Variants in TMEM151A observed in about 807,000 individuals in gnomAD.
TMEM151A encodes transmembrane protein 151A.
Under a neutral mutation model 33.7 loss-of-function variants are expected in TMEM151A, and 21 were observed. The ratio of observed to expected loss-of-function variants is 0.62; its 90% CI spans 0.44 to 0.90. The LOEUF (loss-of-function observed/expected upper bound fraction) is 0.90. Ranked by LOEUF, TMEM151A falls within the 40% of genes least tolerant of loss-of-function variation. The pLI, the probability that TMEM151A is intolerant of heterozygous loss-of-function variation, is 0.00. For synonymous variants in TMEM151A, 374 were observed against 330.3 expected (o/e 1.13, Z -1.43); for missense variants, 704 against 697.7 (o/e 1.01, Z -0.10).
In TMEM151A at chr11:66,294,673, C is replaced by G. The variant is rs1439413020; in HGVS notation, c.427C>G (p.Gln143Glu). ...HTVLALIRRL[Q>E]QAPPCVWWKA... ...GGTGCTGGCGCTGATCCGCCGGCTG[C>G]AGCAGGCGCCGCCGTGCGTCTGGTG... Residue 143 changes from glutamine (Q) to glutamate (E), a missense_variant, in exon 2 of 2, where the codon CAG becomes GAG. By Grantham distance (29) the Gln-to-Glu change is conservative. Around this residue, in one of 3 missense-constraint regions of TMEM151A, gnomAD observed 301 missense variants for 323.4 expected, o/e 0.93. Transcript: ENST00000327259. 1.9e-6 allele frequency: 3 copies of G among 1,596,910 alleles called. No individual in the cohort carries two copies. In the African/African-American group the frequency reaches 4.0e-5, roughly 21 times the overall value.
intron 1 of TMEM151A, 37 bp from the exon 2 acceptor site, chr11:66,294,285 A>G: frequency 1.9e-6 from 3 of 1,595,882 alleles, no homozygotes; most frequent in Non-Finnish European, 2.5e-6. Flanking sequence ...TGATGGCCCC[A>G]CCTGACACAG....
Position 66,294,967 on chromosome 11 carries a change from C to G in TMEM151A, c.721C>G (p.Arg241Gly), listed in dbSNP as rs1348581072. 1 of 1,573,170 alleles carries G rather than the reference C, an allele frequency of 6.4e-7. No homozygotes were observed. Among genetic ancestry groups the G allele is most frequent in the Admixed American group, 1.8e-5 (1 of 55,674 alleles). The change falls in exon 2 of 2, where the codon CGC becomes GGC. Residue 241 changes from arginine to glycine, a missense_variant. Arg to Gly is a moderately radical substitution (Grantham distance 125). Transcript: ENST00000327259. ...AEASYLTQRARFFSANEGLDD... is the reference protein window; with the variant it reads ...AEASYLTQRAGFFSANEGLDD... ...GGCCTCGTACCTCACGCAGCGGGCG[C>G]GCTTCTTCAGCGCCAACGAGGGCCT...
Position 66,295,002 on chromosome 11 carries a change from T to C in TMEM151A, c.756T>C (p.Tyr252=), listed in dbSNP as rs752670837. The change falls in exon 2 of 2, where the codon TAT becomes TAC. Residue 252 remains tyrosine (Y), a synonymous_variant. Coordinates refer to ENST00000327259, the MANE Select transcript of TMEM151A (RefSeq NM_153266.4). The part of the protein sequence containing the change: ...FFSANEGLDD[Y]LEAREGMHLK... ...GCGCCAACGAGGGCCTGGACGACTA[T>C]CTGGAGGCGCGCGAGGGCATGCACC... The C allele has an allele frequency of 1.9e-6, 3 of 1,593,430 alleles. No individual in the cohort carries two copies. The Admixed American group carries it at 5.1e-5, about 27-fold the overall frequency.
At position 66,292,019 on chromosome 11, in the gene TMEM151A, C is replaced by G; in HGVS notation, c.6C>G (p.Pro2=). 1 of 1,503,680 alleles carries G rather than the reference C, an allele frequency of 6.7e-7. No individual in the cohort carries two copies. The highest frequency in any genetic ancestry group is 8.8e-7 in the Non-Finnish European group (1 of 1,132,910). The allele number at this position is 1,503,680 out of a possible 1,614,324, so 93.1% of individuals were successfully genotyped here. A position where few individuals can be genotyped will look rare whatever the true frequency, so the allele number is the denominator to read the frequency against. ...GCCCAAGCAGCCAGGACACCATGCC[C>G]GAGGACGGCGCTGGCGACGGCGGGG... The part of the protein sequence containing the change: M[P]EDGAGDGGEV... The change falls in exon 1 of 2, where the codon CCC becomes CCG. Residue 2 remains proline, a synonymous_variant. Transcript: ENST00000327259. This position sits in a 1 kb window ranked among gnomAD's most constrained non-coding sequence, Gnocchi z 4.7.
Position 66,295,776 on chromosome 11 carries a change from AGGGTGG to A in TMEM151A, c.*134_*139del, listed in dbSNP as rs1380244047. The stretch of plus-strand genomic sequence containing the variant: ...CAGCCACACACAAGGGGCAGGGGTG[AGGGTGG>A]GGGTGGGGGTCCTTAAACAGACTAA... On this transcript the variant is annotated 3_prime_UTR_variant, in exon 2 of 2. Transcript: ENST00000327259. 1.1e-5 allele frequency: 6 copies of A among 527,058 alleles called. No individual in the cohort carries two copies. In the East Asian group the frequency reaches 3.5e-4, roughly 31 times the overall value. The allele number at this position is 527,058 out of a possible 1,614,324, so 32.6% of individuals were successfully genotyped here.
Position 66,295,136 on chromosome 11 carries a change from C to A in TMEM151A, c.890C>A (p.Ser297Ter). ...VFWLVSAATLSWPLRVVAAYG... is the reference protein window; with the variant it reads ...VFWLVSAATL ...TGGCTCGTGTCGGCGGCCACGCTGTCGTGGCCCCTGCGCGTCGTGGCCGCC... is the reference window on the plus strand; with the variant it reads ...TGGCTCGTGTCGGCGGCCACGCTGTAGTGGCCCCTGCGCGTCGTGGCCGCC... The change falls in exon 2 of 2, where the codon TCG becomes TAG. Residue 297 changes from serine (S) to a stop codon, truncating the protein, a stop_gained. Coordinates refer to ENST00000327259, the MANE Select transcript of TMEM151A (RefSeq NM_153266.4). LOFTEE classifies it high-confidence loss of function. 6.3e-7 allele frequency: 1 copy of A among 1,583,898 alleles called. No individual in the cohort carries two copies. The highest frequency in any genetic ancestry group is 1.1e-5 in the South Asian group (1 of 89,386).
At chr11:66,293,594 A>T (rs1230905237) in intron 1 of TMEM151A, among the ~76,000 whole-genome samples, 1 of 151,928 alleles carries the variant, frequency 6.6e-6, no homozygotes, top group Non-Finnish European at 1.5e-5. Flanking sequence ...CCCGTTCTTG[A>T]GGCTCCCTCT....
At position 66,292,595 on chromosome 11, in the gene TMEM151A, G is replaced by A. The variant is rs1001360571; in HGVS notation, c.75+507G>A. 1.3e-5 allele frequency among the ~76,000 whole-genome samples: 2 copies of A among 152,206 alleles called. No individual in the cohort carries two copies. The highest frequency in any genetic ancestry group is 6.5e-5 in the Admixed American group (1 of 15,286). Reference sequence around the variant, plus strand: ...CATTCTGCTGGCTGGGACCCCCGACGGCCCCTCCTCAGCCCTAGCCAGGAA... The same window carrying A: ...CATTCTGCTGGCTGGGACCCCCGACAGCCCCTCCTCAGCCCTAGCCAGGAA... On this transcript the variant is annotated intron_variant, in intron 1 of 1. Transcript: ENST00000327259. This position sits in a 1 kb window ranked among gnomAD's most constrained non-coding sequence, Gnocchi z 4.7.
At position 66,292,105 on chromosome 11, in the gene TMEM151A, G is replaced by A. The variant is rs763666894; in HGVS notation, c.75+17G>A. ...CGGGAAGAGGTACCGGCGCTGGGGG[G>A]GCCGGAGCCGGGCCTGGGGCGGCGT... On this transcript the variant is annotated intron_variant, in intron 1 of 1. Coordinates refer to ENST00000327259, the MANE Select transcript of TMEM151A (RefSeq NM_153266.4). The surrounding 1 kb of genome is among the most constrained non-coding windows in gnomAD (Gnocchi z 4.7). 7.0e-7 allele frequency: 1 copy of A among 1,432,276 alleles called. No individual in the cohort carries two copies. Among genetic ancestry groups the A allele is most frequent in the Non-Finnish European group, 9.1e-7 (1 of 1,102,372 alleles). 88.7% of individuals were successfully genotyped at this position (1,432,276 alleles called of 1,614,324 possible).
chr11:66,294,925 G>C lies in TMEM151A; in HGVS notation c.679G>C (p.Gly227Arg), dbSNP rs780842555. The C allele has an allele frequency of 7.8e-6, 12 of 1,542,402 alleles. No individual in the cohort carries two copies. Among genetic ancestry groups the C allele is most frequent in the Admixed American group, 3.9e-5 (2 of 51,302 alleles). ...RLRFTKCFSF[G>R]SAEAEASYLT... ...GCGCTTCACCAAGTGCTTCAGCTTC[G>C]GCAGCGCGGAGGCCGAGGCCTCGTA... Residue 227 changes from glycine to arginine, a missense_variant, in exon 2 of 2, where the codon GGC becomes CGC. Coordinates refer to ENST00000327259, the MANE Select transcript of TMEM151A (RefSeq NM_153266.4).
rs935593727 is a variant in TMEM151A at position 66,293,012 on chromosome 11, GTGTGTGTGTGTA to G, written c.75+934_75+945del. Among the ~76,000 whole-genome samples the G allele has an allele frequency of 4.3e-3, 585 of 137,052 alleles. 4 individuals carry two copies. The highest frequency in any genetic ancestry group is 0.014 in the African/African-American group (560 of 40,280). The allele number at this position is 137,052 out of a possible 152,430, so 89.9% of individuals were successfully genotyped here. A position where few individuals can be genotyped will look rare whatever the true frequency, so the allele number is the denominator to read the frequency against. On this transcript the variant is annotated intron_variant, in intron 1 of 1. Transcript: ENST00000327259. ...TGGTGGATGGGTATGTGGTGTGTGC[GTGTGTGTGTGTA>G]TGTGTGTGTACCATGCTACGGTTCT...
At position 66,292,211 on chromosome 11, in the gene TMEM151A, T is replaced by G; in HGVS notation, c.75+123T>G. 1 of 858,602 alleles carries G rather than the reference T, an allele frequency of 1.2e-6. No homozygotes were observed. The highest frequency in any genetic ancestry group is 3.4e-5 in the East Asian group (1 of 29,262). The allele number at this position is 858,602 out of a possible 1,614,324, so 53.2% of individuals were successfully genotyped here. The stretch of plus-strand genomic sequence containing the variant: ...AGAGCCCCTACGGCCAATGACGTCA[T>G]TGGGGTCACCTGCGCCCTGCCAAGG... On this transcript the variant is annotated intron_variant, in intron 1 of 1. Coordinates refer to ENST00000327259, the MANE Select transcript of TMEM151A (RefSeq NM_153266.4). This position sits in a 1 kb window ranked among gnomAD's most constrained non-coding sequence, Gnocchi z 4.7.
chr11:66,294,568 C>G lies in TMEM151A; in HGVS notation c.322C>G (p.Leu108Val). Residue 108 changes from leucine (L) to valine (V), a missense_variant, in exon 2 of 2, where the codon CTC becomes GTC. This residue lies in a region of TMEM151A where 301 missense variants were observed against 323.4 expected (regional missense o/e 0.93). Coordinates refer to ENST00000327259, the MANE Select transcript of TMEM151A (RefSeq NM_153266.4). Reference sequence around the variant, plus strand: ...GTACATCCCGCTGGCCTTCGTCTCCCTCCTCTACCTCCTCTACCTGGCTGA... The same window carrying G: ...GTACATCCCGCTGGCCTTCGTCTCCGTCCTCTACCTCCTCTACCTGGCTGA... ...YLYIPLAFVSLLYLLYLAECW... is the reference protein window; with the variant it reads ...YLYIPLAFVSVLYLLYLAECW... The G allele has an allele frequency of 6.2e-7, 1 of 1,612,834 alleles. No homozygotes were observed. Among genetic ancestry groups the G allele is most frequent in the Non-Finnish European group, 8.5e-7 (1 of 1,179,376 alleles).
Position 66,295,099 on chromosome 11 carries a change from G to A in TMEM151A, c.853G>A (p.Ala285Thr), listed in dbSNP as rs1857501094. Reference protein sequence around the residue: ...DPRSPPWYARAWVFWLVSAAT... With the variant: ...DPRSPPWYARTWVFWLVSAAT... ...CCGCAGCCCGCCCTGGTACGCGCGC[G>A]CCTGGGTCTTCTGGCTCGTGTCGGC... The change falls in exon 2 of 2, where the codon GCC (alanine) becomes ACC (threonine). Residue 285 changes from alanine (A) to threonine (T), a missense_variant. By Grantham distance (58) the Ala-to-Thr change is moderately conservative. Around this residue, in one of 3 missense-constraint regions of TMEM151A, gnomAD observed 398 missense variants for 356.0 expected, o/e 1.12. Coordinates refer to ENST00000327259, the MANE Select transcript of TMEM151A (RefSeq NM_153266.4). 6.3e-7 allele frequency: 1 copy of A among 1,593,818 alleles called. No individual in the cohort carries two copies. The highest frequency in any genetic ancestry group is 8.5e-7 in the Non-Finnish European group (1 of 1,176,184).
Position 66,295,467 on chromosome 11 carries a change from G to A in TMEM151A, c.1221G>A (p.Ser407=), listed in dbSNP as rs1430318101. 4.9e-6 allele frequency: 7 copies of A among 1,414,386 alleles called. No homozygotes were observed. Among genetic ancestry groups the A allele is most frequent in the South Asian group, 3.1e-5 (2 of 64,444 alleles). 87.6% of individuals were successfully genotyped at this position (1,414,386 alleles called of 1,614,324 possible). ...PRLPFSRSRL[S]LGAGGRATPG... ...TGCCCTTCAGCCGCAGCCGCCTCTC[G>A]CTGGGCGCTGGCGGCCGGGCCACGC... The change falls in exon 2 of 2, where the codon TCG becomes TCA. Residue 407 remains serine, a synonymous_variant. Coordinates refer to ENST00000327259, the MANE Select transcript of TMEM151A (RefSeq NM_153266.4).
In TMEM151A at chr11:66,295,589, A is replaced by G; in HGVS notation, c.1343A>G (p.Tyr448Cys). The G allele has an allele frequency of 6.5e-7, 1 of 1,538,170 alleles. No homozygotes were observed. Among genetic ancestry groups the G allele is most frequent in the South Asian group, 1.2e-5 (1 of 83,076 alleles). The part of the protein sequence containing the change: ...ESPPCYEDAL[Y>C]FPVLIVHGDS... ...CCGCCCTGCTATGAGGACGCCCTCTACTTCCCGGTGCTCATTGTCCACGGA... is the reference window on the plus strand; with the variant it reads ...CCGCCCTGCTATGAGGACGCCCTCTGCTTCCCGGTGCTCATTGTCCACGGA... Residue 448 changes from tyrosine to cysteine, a missense_variant, in exon 2 of 2, where the codon TAC becomes TGC. Around this residue, in one of 3 missense-constraint regions of TMEM151A, gnomAD observed 398 missense variants for 356.0 expected, o/e 1.12. Coordinates refer to ENST00000327259, the MANE Select transcript of TMEM151A (RefSeq NM_153266.4).
chr11:66,295,136 C>G lies in TMEM151A; in HGVS notation c.890C>G (p.Ser297Trp). Reference sequence around the variant, plus strand: ...TGGCTCGTGTCGGCGGCCACGCTGTCGTGGCCCCTGCGCGTCGTGGCCGCC... The same window carrying G: ...TGGCTCGTGTCGGCGGCCACGCTGTGGTGGCCCCTGCGCGTCGTGGCCGCC... The part of the protein sequence containing the change: ...VFWLVSAATL[S>W]WPLRVVAAYG... Residue 297 changes from serine to tryptophan, a missense_variant, in exon 2 of 2, where the codon TCG becomes TGG. Physicochemically the swap from Ser to Trp is radical, Grantham distance 177. Transcript: ENST00000327259. 6.3e-7 allele frequency: 1 copy of G among 1,583,900 alleles called. No homozygotes were observed. The highest frequency in any genetic ancestry group is 8.5e-7 in the Non-Finnish European group (1 of 1,171,324).
In TMEM151A at chr11:66,295,750, C is replaced by A; in HGVS notation, c.*97C>A. On this transcript the variant is annotated 3_prime_UTR_variant, in exon 2 of 2. Coordinates refer to ENST00000327259, the MANE Select transcript of TMEM151A (RefSeq NM_153266.4). ...TGTCCAAAACAGGCGGGAAAACAGA[C>A]CAGCCACACACAAGGGGCAGGGGTG... is the stretch of plus-strand genomic sequence containing the variant. The A allele has an allele frequency of 8.3e-7, 1 of 1,206,970 alleles. No homozygotes were observed. Among genetic ancestry groups the A allele is most frequent in the Non-Finnish European group, 1.1e-6 (1 of 926,846 alleles). The allele number at this position is 1,206,970 out of a possible 1,614,324, so 74.8% of individuals were successfully genotyped here.
Position 66,295,543 on chromosome 11 carries a change from G to A in TMEM151A, c.1297G>A (p.Asp433Asn), listed in dbSNP as rs1249695767. 2 of 1,446,648 alleles carry A rather than the reference G, an allele frequency of 1.4e-6. No homozygotes were observed. Among genetic ancestry groups the A allele is most frequent in the African/African-American group, 1.5e-5 (1 of 67,088 alleles). 89.6% of individuals were successfully genotyped at this position (1,446,648 alleles called of 1,614,324 possible). A position where few individuals can be genotyped will look rare whatever the true frequency, so the allele number is the denominator to read the frequency against. ...SGGPLGRRGE[D>N]TEPLESPPCY... is the part of the protein sequence containing the mutation. ...GGGGCCGCTGGGGCGCCGTGGAGAG[G>A]ACACGGAACCCCTGGAGAGCCCGCC... Residue 433 changes from aspartate to asparagine, a missense_variant, in exon 2 of 2, where the codon GAC becomes AAC. By Grantham distance (23) the Asp-to-Asn change is conservative. Coordinates refer to ENST00000327259, the MANE Select transcript of TMEM151A (RefSeq NM_153266.4).
Sources: allele counts gnomAD v4.1 joint callset (sites outside exome capture counted in the v4.1 genomes callset), GRCh38; gene constraint gnomAD v4.1.1; regional missense constraint gnomAD v4.1.1; non-coding constraint Gnocchi (gnomAD v3.1); transcripts MANE v1.5; gene names NCBI Gene and HGNC (gene_info 2026-07-23, HGNC 2026-07-21).